Variants in EFCAB11 observed in about 807,000 individuals in gnomAD.
EFCAB11 encodes EF-hand calcium-binding domain-containing protein 11.
Under a neutral mutation model 23.0 loss-of-function variants are expected in EFCAB11, and 14 were observed. The observed-to-expected ratio is 0.61, with a 90% CI of 0.40 to 0.95. The LOEUF is 0.95. Ranked by LOEUF, EFCAB11 falls within the 40% of genes least tolerant of loss-of-function variation. EFCAB11 has a pLI of 0.00. For synonymous variants in EFCAB11, 65 were observed against 66.6 expected (o/e 0.98, Z 0.11); for missense variants, 198 against 195.8 (o/e 1.01, Z -0.07).
chr14:89,884,014 C>G (rs533109101), intron 5 of EFCAB11, among the ~76,000 whole-genome samples: 2 of 152,234 alleles, frequency 1.3e-5, no homozygotes, highest in South Asian at 4.1e-4. Context: ...ATAGTCCCAG[C>G]TACTCCAGAG....
At chr14:89,924,768 A>T in intron 5 of EFCAB11, 1 of 1,391,988 alleles carries the variant, frequency 7.2e-7, no homozygotes, top group Non-Finnish European at 9.7e-7. Flanking sequence ...ACATGTGGCT[A>T]TGAAGCTCCT....
At chr14:89,920,272 C>T (rs1264784623) in intron 5 of EFCAB11, among the ~76,000 whole-genome samples, 2 of 152,174 alleles carry the variant, frequency 1.3e-5, no homozygotes, top group African/African-American at 2.4e-5. Flanking sequence ...AACCAAACCA[C>T]TTCATAGGAA....
At chr14:89,810,365 C>T (rs1596376479) in intron 5 of EFCAB11, among the ~76,000 whole-genome samples, 1 of 152,174 alleles carries the variant, frequency 6.6e-6, no homozygotes, top group African/African-American at 2.4e-5. Flanking sequence ...ACAGATGTTT[C>T]TCCCCATTGT....
chr14:89,868,003 C>T (rs140582495), intron 5 of EFCAB11, among the ~76,000 whole-genome samples: 3,136 of 152,304 alleles, frequency 0.021, 52 homozygotes, highest in Non-Finnish European at 0.028. Context: ...GCCTCATGGG[C>T]GAACCTGGAA....
chr14:89,836,465 T>C, intron 5 of EFCAB11: 1 of 434,726 alleles, frequency 2.3e-6, no homozygotes, highest in Non-Finnish European at 4.6e-6. Context: ...AGAGTGGTTG[T>C]TTGAAGGGGA....
At chr14:89,912,646 C>A (rs1327986059) in intron 5 of EFCAB11, among the ~76,000 whole-genome samples, 3 of 152,126 alleles carry the variant, frequency 2.0e-5, no homozygotes, top group Non-Finnish European at 4.4e-5. Context: ...TATTTAAATT[C>A]TCCCTGTTTT....
intron 5 of EFCAB11, 119 bp downstream of exon 5, chr14:89,931,422 A>C: frequency 4.4e-6 from 4 of 919,284 alleles, no homozygotes; most frequent in East Asian, 2.4e-5. Context: ...CTATGCTGCA[A>C]GAGAAAAATG....
At chr14:89,943,355 C>T (rs968445563) in intron 3 of EFCAB11, among the ~76,000 whole-genome samples, 10 of 151,766 alleles carry the variant, frequency 6.6e-5, no homozygotes, top group Middle Eastern at 3.2e-3. Flanking sequence ...AAGCAATCCT[C>T]TACCTCAGCC....
chr14:89,881,861 A>G (rs952330124), intron 5 of EFCAB11, among the ~76,000 whole-genome samples: 1 of 152,228 alleles, frequency 6.6e-6, no homozygotes, highest in Non-Finnish European at 1.5e-5. Context: ...GACAGTGTGC[A>G]TGCACTTGAA....
In EFCAB11 at chr14:89,950,135, A is replaced by G. The variant is rs1252277602; in HGVS notation, c.179T>C (p.Val60Ala). Residue 60 changes from valine to alanine, a missense_variant, in exon 3 of 6, where the codon GTG becomes GCG. Val to Ala is a moderately conservative substitution (Grantham distance 64). Transcript: ENST00000316738. ...LFGYKPSKIE[V>A]DSVMSSINPN... The stretch of plus-strand genomic sequence containing the variant: ...ATTTATTGAAGACATCACAGAATCC[A>G]CTTCTATCTAGAAAAGAGGAAAAAA... 6.4e-7 allele frequency: 1 copy of G among 1,558,138 alleles called. No homozygotes were observed. Among genetic ancestry groups the G allele is most frequent in the South Asian group, 1.1e-5 (1 of 88,522 alleles).
chr14:89,896,321 C>A (rs890009124), intron 5 of EFCAB11, among the ~76,000 whole-genome samples: 1 of 151,832 alleles, frequency 6.6e-6, no homozygotes, highest in Non-Finnish European at 1.5e-5. Flanking sequence ...ACCCGGGAGG[C>A]GGAGCTTGCA....
In EFCAB11 at chr14:89,954,680, C is replaced by T; in HGVS notation, c.-20G>A. 1.2e-6 allele frequency: 2 copies of T among 1,607,018 alleles called. No homozygotes were observed. Among genetic ancestry groups the T allele is most frequent in the Non-Finnish European group, 1.7e-6 (2 of 1,178,346 alleles). ...GAACATCGCGACTACAACAACCGAG[C>T]CCCAGCAACCCAACCAGCTACCACC... On this transcript the variant is annotated 5_prime_UTR_variant, in exon 1 of 6. Transcript: ENST00000316738.
chr14:89,861,418 A>T (rs1555373177), intron 5 of EFCAB11, among the ~76,000 whole-genome samples: 1 of 152,154 alleles, frequency 6.6e-6, no homozygotes, highest in African/African-American at 2.4e-5. Flanking sequence ...AGACCTCATC[A>T]CTTAAGCCTC....
At chr14:89,864,876 AG>A (rs1267984208) in intron 5 of EFCAB11, among the ~76,000 whole-genome samples, 1 of 152,146 alleles carries the variant, frequency 6.6e-6, no homozygotes, top group Non-Finnish European at 1.5e-5. Context: ...GTGATTTGGG[AG>A]AGAAGGATCC....
chr14:89,885,498 G>A (rs535065778), intron 5 of EFCAB11, among the ~76,000 whole-genome samples: 1 of 152,186 alleles, frequency 6.6e-6, no homozygotes, highest in South Asian at 2.1e-4. Context: ...CTAACATGGT[G>A]AAACCCCATC....
rs73318821 is a variant in EFCAB11 at position 89,832,450 on chromosome 14, T to A, written c.411-35126A>T. The stretch of plus-strand genomic sequence containing the variant: ...AACTTGGGAGCTCTCCAGTTTGCCA[T>A]AAGCTCTACCACTCCTCATGATTTC... On this transcript the variant is annotated intron_variant, in intron 5 of 5. Coordinates refer to ENST00000316738, the MANE Select transcript of EFCAB11 (RefSeq NM_145231.4). Among the ~76,000 whole-genome samples, 349 of 152,302 alleles carry A rather than the reference T, an allele frequency of 2.3e-3. 2 individuals are homozygous for A. The highest frequency in any genetic ancestry group is 8.1e-3 in the African/African-American group (337 of 41,550).
At chr14:89,953,471 A>G (rs1036129380) in intron 2 of EFCAB11, among the ~76,000 whole-genome samples, 1 of 152,234 alleles carries the variant, frequency 6.6e-6, no homozygotes, top group African/African-American at 2.4e-5. Flanking sequence ...ACCCTCTGGT[A>G]GGCGGCGAGC....
chr14:89,804,148 T>C (rs1290695033), intron 5 of EFCAB11, among the ~76,000 whole-genome samples: 1 of 152,354 alleles, frequency 6.6e-6, no homozygotes, highest in East Asian at 1.9e-4. Flanking sequence ...GGGACTGCTC[T>C]GACACCTGGG....
chr14:89,931,196 C>A (rs1020167632), intron 5 of EFCAB11: 9 of 206,134 alleles, frequency 4.4e-5, no homozygotes, highest in Non-Finnish European at 7.7e-5. Context: ...GTGAGGACAC[C>A]AGCATCCATG....
Sources: gnomAD v4.1 joint callset for allele counts (sites outside exome capture counted in the v4.1 genomes callset) on GRCh38, gnomAD v4.1.1 for gene constraint, MANE v1.5 for transcripts, NCBI Gene and HGNC (gene_info 2026-07-23, HGNC 2026-07-21) for gene names.